The following MEGF8 variants were observed in gnomAD, a reference collection of about 807,000 sequenced individuals.
MEGF8 encodes the protein multiple EGF like domains 8.
In MEGF8, 156 loss-of-function variants were observed where a neutral mutation model predicts 302.9. That is an observed-to-expected ratio of 0.52 (90% CI 0.45 to 0.59). The LOEUF (loss-of-function observed/expected upper bound fraction) is 0.59. Among genes scored for constraint, MEGF8 ranks in the 20% least tolerant of loss-of-function variants. The pLI is 0.00. For synonymous variants in MEGF8, 1,621 were observed against 1,660.5 expected (o/e 0.98, Z 0.58); for missense variants, 3,345 against 3,964.5 (o/e 0.84, Z 4.20).
rs202073870 is a variant in MEGF8 at position 42,344,611 on chromosome 19, C to T, written c.1933+26C>T. 1.5e-5 allele frequency: 23 copies of T among 1,578,740 alleles called. No individual in the cohort carries two copies. Among genetic ancestry groups the T allele is most frequent in the East Asian group, 9.0e-5 (4 of 44,304 alleles). ...GTGAGTGTCCGCAGCAGTGGGCCGG[C>T]AGGAGGGGGCCAGAGCACTCCACAC... On this transcript the variant is annotated intron_variant, in intron 11 of 41. Coordinates refer to ENST00000251268, the MANE Select transcript of MEGF8 (RefSeq NM_001271938.2). The surrounding 1 kb of genome is among the most constrained non-coding windows in gnomAD (Gnocchi z 4.5).
At position 42,336,009 on chromosome 19, in the gene MEGF8, C is replaced by T; in HGVS notation, c.907C>T (p.Leu303Phe). ...GGGTGGTGAGCTGGCTGACGGCTCGCTCACCAACGACGTGTGGGCCTTCAG... is the reference window on the plus strand; with the variant it reads ...GGGTGGTGAGCTGGCTGACGGCTCGTTCACCAACGACGTGTGGGCCTTCAG... Reference protein sequence around the residue: ...LMGGELADGSLTNDVWAFSPL... With the variant: ...LMGGELADGSFTNDVWAFSPL... The change falls in exon 6 of 42, where the codon CTC becomes TTC. Residue 303 changes from leucine to phenylalanine, a missense_variant. Physicochemically the swap from Leu to Phe is conservative, Grantham distance 22. Transcript: ENST00000251268. This position sits in a 1 kb window ranked among gnomAD's most constrained non-coding sequence, Gnocchi z 4.8. The T allele has an allele frequency of 6.5e-7, 1 of 1,547,506 alleles. No individual in the cohort carries two copies. The highest frequency in any genetic ancestry group is 1.2e-5 in the South Asian group (1 of 84,758).
chr19:42,363,168 C>T lies in MEGF8; in HGVS notation c.6179C>T (p.Pro2060Leu). 6.2e-7 allele frequency: 1 copy of T among 1,612,426 alleles called. No individual in the cohort carries two copies. The highest frequency in any genetic ancestry group is 8.5e-7 in the Non-Finnish European group (1 of 1,179,308). The change falls in exon 35 of 42, where the codon CCT becomes CTT. Residue 2060 changes from proline to leucine, a missense_variant. Pro to Leu is a moderately conservative substitution (Grantham distance 98). Transcript: ENST00000251268. ...TCACCCCCACTGCCCTGCCCCACCCCTTGTCACCTCCTACCCAACTGTACC... is the reference window on the plus strand; with the variant it reads ...TCACCCCCACTGCCCTGCCCCACCCTTTGTCACCTCCTACCCAACTGTACC... The part of the protein sequence containing the change: ...ESSPPLPCPT[P>L]CHLLPNCTSC...
rs755341130 is a variant in MEGF8, at chr19:42,357,029, G to T, written c.4830+48G>T. The T allele has an allele frequency of 9.3e-6, 14 of 1,504,430 alleles. No homozygotes were observed. In the Middle Eastern group the frequency reaches 5.2e-4, roughly 56 times the overall value. The allele number at this position is 1,504,430 out of a possible 1,614,324, so 93.2% of individuals were successfully genotyped here. ...CTCCCCAGCCCTCACACTGGGCCCT[G>T]ACAGAGACAGCTGTGGTAGCTCCTG... On this transcript the variant is annotated intron_variant, in intron 27 of 41. Transcript: ENST00000251268. The surrounding 1 kb of genome is among the most constrained non-coding windows in gnomAD (Gnocchi z 5.2).
In MEGF8 at chr19:42,336,067, C is replaced by A. The variant is rs776527811; in HGVS notation, c.965C>A (p.Ala322Glu). The A allele has an allele frequency of 1.3e-6, 2 of 1,592,576 alleles. No homozygotes were observed. Among genetic ancestry groups the A allele is most frequent in the Non-Finnish European group, 1.7e-6 (2 of 1,173,282 alleles). ...GGCAGGGGCCACTGGGAGCTCCTGG[C>A]ACCACCTGCCTCCAGCTCCTCGGGG... The part of the protein sequence containing the change: ...PLGRGHWELL[A>E]PPASSSSGPP... Residue 322 changes from alanine to glutamate, a missense_variant, in exon 6 of 42, where the codon GCA becomes GAA. By Grantham distance (107) the Ala-to-Glu change is moderately radical (BLOSUM62 -1). Coordinates refer to ENST00000251268, the MANE Select transcript of MEGF8 (RefSeq NM_001271938.2). This position sits in a 1 kb window ranked among gnomAD's most constrained non-coding sequence, Gnocchi z 4.8.
At position 42,362,186 on chromosome 19, in the gene MEGF8, T is replaced by A. The variant is rs1369928647; in HGVS notation, c.5817T>A (p.Pro1939=). The change falls in exon 33 of 42, where the codon CCT becomes CCA. Residue 1939 remains proline, a synonymous_variant. Coordinates refer to ENST00000251268, the MANE Select transcript of MEGF8 (RefSeq NM_001271938.2). The stretch of plus-strand genomic sequence containing the variant: ...GCAGTGAGTGCCTGGCCCGCCATCC[T>A]CGGACCCTGCAACCTGGAGATGGAG... The part of the protein sequence containing the change: ...RTCSECLARH[P]RTLQPGDGEA... 2 of 1,610,718 alleles carry A rather than the reference T, an allele frequency of 1.2e-6. No homozygotes were observed. Among genetic ancestry groups the A allele is most frequent in the Non-Finnish European group, 1.7e-6 (2 of 1,179,142 alleles).
At chr19:42,337,250 CCT>C (rs2039141178) in intron 8 of MEGF8, 44 bp downstream of exon 8, 1 of 1,611,112 alleles carries the variant, frequency 6.2e-7, no homozygotes, top group South Asian at 1.1e-5. Context: ...GAGGGTCCCA[CCT>C]CTCTCCATAG....
Position 42,368,922 on chromosome 19 carries a change from C to T in MEGF8, c.6561C>T (p.His2187=), listed in dbSNP as rs779531430. 29 of 1,613,792 alleles carry T rather than the reference C, an allele frequency of 1.8e-5. No individual in the cohort carries two copies. The highest frequency in any genetic ancestry group is 1.6e-4 in the Middle Eastern group (1 of 6,084). ...PPEDECANGH[H]DCNETQNCHD... ...AGGACGAGTGTGCAAACGGGCACCA[C>T]GACTGCAACGAGACGCAGAATTGCC... Residue 2187 remains histidine (H), a synonymous_variant, in exon 37 of 42, where the codon CAC becomes CAT. Coordinates refer to ENST00000251268, the MANE Select transcript of MEGF8 (RefSeq NM_001271938.2). This position sits in a 1 kb window ranked among gnomAD's most constrained non-coding sequence, Gnocchi z 4.9.
rs2039371486 is a variant in MEGF8 at position 42,351,437 on chromosome 19, C to G, written c.2864C>G (p.Thr955Ser). The change falls in exon 17 of 42, where the codon ACC becomes AGC. Residue 955 changes from threonine (T) to serine (S), a missense_variant. Thr to Ser is a moderately conservative substitution (Grantham distance 58). Transcript: ENST00000251268. This position sits in a 1 kb window ranked among gnomAD's most constrained non-coding sequence, Gnocchi z 5.6. Reference sequence around the variant, plus strand: ...CCTGCTCCCCACCCCAGGCGACTGACCTGTGAGGACTGCCTGGCCAACTCT... The same window carrying G: ...CCTGCTCCCCACCCCAGGCGACTGAGCTGTGAGGACTGCCTGGCCAACTCT... The part of the protein sequence containing the change: ...ECPPLCSQRL[T>S]CEDCLANSSQ... 6.3e-7 allele frequency: 1 copy of G among 1,596,038 alleles called. No homozygotes were observed. Among genetic ancestry groups the G allele is most frequent in the South Asian group, 1.1e-5 (1 of 88,358 alleles).
chr19:42,328,591 G>GTGTGTGTGTGTGTGTGTGTGA (rs2039015802), intron 1 of MEGF8, among the ~76,000 whole-genome samples: 1 of 117,620 alleles, frequency 8.5e-6, no homozygotes, highest in African/African-American at 4.4e-5. Context: ...TGTGTGTGTG[G>GTGTGTGTGTGTGTGTGTGTGA]CGAAGGGGTC....
chr19:42,356,170 C>A lies in MEGF8; in HGVS notation c.4480C>A (p.Leu1494Ile). 1 of 1,549,944 alleles carries A rather than the reference C, an allele frequency of 6.5e-7. No homozygotes were observed. Among genetic ancestry groups the A allele is most frequent in the South Asian group, 1.2e-5 (1 of 82,450 alleles). The change falls in exon 25 of 42, where the codon CTC becomes ATC. Residue 1494 changes from leucine (L) to isoleucine (I), a missense_variant. Transcript: ENST00000251268. The surrounding 1 kb of genome is among the most constrained non-coding windows in gnomAD (Gnocchi z 5.2). ...LDGGQLVWET[L>I]MDSRLSADTA... ...TGGCGGGCAGCTGGTCTGGGAGACC[C>A]TCATGGACAGCCGCCTCTCAGCCGT...
At chr19:42,333,963 C>T (rs759622784) in intron 2 of MEGF8, 44 bp from the exon 3 acceptor site, 18 of 1,582,368 alleles carry the variant, frequency 1.1e-5, no homozygotes, top group African/African-American at 4.0e-5. Context: ...CCAGGACAAT[C>T]CCCAGGCCCT....
chr19:42,358,136 C>A lies in MEGF8; in HGVS notation c.5012-8C>A, dbSNP rs1270659229. ...CCTCCCCCAGCCTGTCACCCTGCCC[C>A]TCACCAGGTCTCTATGGTCACTCTG... On this transcript the variant is annotated splice_region_variant and splice_polypyrimidine_tract_variant and intron_variant, in intron 28 of 41. Coordinates refer to ENST00000251268, the MANE Select transcript of MEGF8 (RefSeq NM_001271938.2). This position sits in a 1 kb window ranked among gnomAD's most constrained non-coding sequence, Gnocchi z 4.4. 9 of 1,561,512 alleles carry A rather than the reference C, an allele frequency of 5.8e-6. No individual in the cohort carries two copies. The highest frequency in any genetic ancestry group is 7.8e-6 in the Non-Finnish European group (9 of 1,155,338).
At chr19:42,339,114 G>A (rs910304212) in intron 8 of MEGF8, among the ~76,000 whole-genome samples, 8 of 152,240 alleles carry the variant, frequency 5.3e-5, no homozygotes, top group East Asian at 3.9e-4. Context: ...GATTACAGGC[G>A]TGAGCCAATG....
At position 42,368,696 on chromosome 19, in the gene MEGF8, T is replaced by A. The variant is rs1568575625; in HGVS notation, c.6481+34T>A. ...GCTTTGGGCACTGGGGGAGAGGGGC[T>A]GGCCCTTGGTTGGGGTCTGATACAG... On this transcript the variant is annotated intron_variant, in intron 36 of 41. Coordinates refer to ENST00000251268, the MANE Select transcript of MEGF8 (RefSeq NM_001271938.2). The surrounding 1 kb of genome is among the most constrained non-coding windows in gnomAD (Gnocchi z 4.9). 2.6e-6 allele frequency: 4 copies of A among 1,530,306 alleles called. No individual in the cohort carries two copies. Among genetic ancestry groups the A allele is most frequent in the Middle Eastern group, 2.1e-4 (1 of 4,868 alleles). The allele number at this position is 1,530,306 out of a possible 1,614,324, so 94.8% of individuals were successfully genotyped here.
At chr19:42,363,381 C>A in intron 35 of MEGF8, 119 bp downstream of exon 35, 2 of 872,312 alleles carry the variant, frequency 2.3e-6, no homozygotes, top group Non-Finnish European at 3.6e-6. Context: ...ATCTCCCTGG[C>A]TCTAGCTGCA....
At position 42,362,553 on chromosome 19, in the gene MEGF8, C is replaced by T. The variant is rs760653254; in HGVS notation, c.6014C>T (p.Thr2005Met). ...GGGGCTGCTGACTGCGAGCAGTGCA[C>T]GCGGGAGGGCAAGTGCATGTGGACG... Reference protein sequence around the residue: ...ACGAADCEQCTREGKCMWTRQ... With the variant: ...ACGAADCEQCMREGKCMWTRQ... The change falls in exon 34 of 42, where the codon ACG (threonine) becomes ATG (methionine). Residue 2005 changes from threonine (T) to methionine (M), a missense_variant. Thr to Met is a moderately conservative substitution (Grantham distance 81). Coordinates refer to ENST00000251268, the MANE Select transcript of MEGF8 (RefSeq NM_001271938.2). 133 of 1,613,252 alleles carry T rather than the reference C, an allele frequency of 8.2e-5. 1 individual carries two copies. Among genetic ancestry groups the T allele is most frequent in the Non-Finnish European group, 3.1e-5 (37 of 1,179,894 alleles).
rs1449068072 is a variant in MEGF8 at position 42,376,538 on chromosome 19, C to A, written c.8301C>A (p.Pro2767=). ...CCACTGCTGGGCTGCGAGCTGGGCCCATCACTCTCGAGCCCACAGAAGATG... is the reference window on the plus strand; with the variant it reads ...CCACTGCTGGGCTGCGAGCTGGGCCAATCACTCTCGAGCCCACAGAAGATG... ...PATTAGLRAG[P]ITLEPTEDGM... The change falls in exon 42 of 42, where the codon CCC becomes CCA. Residue 2767 remains proline (P), a synonymous_variant. Coordinates refer to ENST00000251268, the MANE Select transcript of MEGF8 (RefSeq NM_001271938.2). The surrounding 1 kb of genome is among the most constrained non-coding windows in gnomAD (Gnocchi z 8.2). The A allele has an allele frequency of 6.4e-7, 1 of 1,564,274 alleles. No individual in the cohort carries two copies. The highest frequency in any genetic ancestry group is 8.6e-7 in the Non-Finnish European group (1 of 1,157,376).
chr19:42,346,238 GT>G (rs1434673560), intron 12 of MEGF8, among the ~76,000 whole-genome samples: 2 of 152,122 alleles, frequency 1.3e-5, no homozygotes, highest in African/African-American at 4.8e-5. Context: ...TATTCACATG[GT>G]TCAAAAATCA....
At chr19:42,341,891 T>C (rs958954240) in intron 8 of MEGF8, among the ~76,000 whole-genome samples, 1 of 152,192 alleles carries the variant, frequency 6.6e-6, no homozygotes, top group East Asian at 1.9e-4. Flanking sequence ...CTTCAGAAGA[T>C]GCTTATACCT....
Sources: gnomAD v4.1 joint callset for allele counts (sites outside exome capture counted in the v4.1 genomes callset) on GRCh38, gnomAD v4.1.1 for gene constraint, Gnocchi (gnomAD v3.1) non-coding constraint, MANE v1.5 for transcripts, NCBI Gene and HGNC (gene_info 2026-07-23, HGNC 2026-07-21) for gene names.